ST6GALNAC3: variants seen among roughly 807,000 people sequenced by gnomAD.
ST6GALNAC3 encodes ST6 N-acetylgalactosaminide alpha-2,6-sialyltransferase 3.
Under a neutral mutation model 32.7 loss-of-function variants are expected in ST6GALNAC3, and 25 were observed. The ratio of observed to expected loss-of-function variants is 0.76; its 90% confidence interval spans 0.56 to 1.07. The LOEUF is 1.07. Ranked by LOEUF, ST6GALNAC3 falls within the 50% of genes least tolerant of loss-of-function variation. ST6GALNAC3 has a pLI of 0.00. For synonymous variants in ST6GALNAC3, 129 were observed against 133.1 expected (o/e 0.97, Z 0.21); for missense variants, 355 against 382.4 (o/e 0.93, Z 0.60).
At chr1:76,521,439 A>G (rs1302769179) in intron 3 of ST6GALNAC3, among the ~76,000 whole-genome samples, 1 of 152,060 alleles carries the variant, frequency 6.6e-6, no homozygotes, top group Non-Finnish European at 1.5e-5. Flanking sequence ...AGCTTATCTC[A>G]AAACTTCTGG....
At chr1:76,176,645 A>T (rs1465159475) in intron 1 of ST6GALNAC3, among the ~76,000 whole-genome samples, 1 of 152,194 alleles carries the variant, frequency 6.6e-6, no homozygotes, top group Non-Finnish European at 1.5e-5. Flanking sequence ...TTTCCTAAAC[A>T]TAATGTACAA....
At position 76,634,039 on chromosome 1, in the gene ST6GALNAC3, T is replaced by C. The variant is rs942501731; in HGVS notation, c.*5233T>C. The C allele has an allele frequency of 5.7e-5, 27 of 476,382 alleles. No individual in the cohort carries two copies. The highest frequency in any genetic ancestry group is 5.1e-4 in the African/African-American group (24 of 47,124). 29.5% of individuals were successfully genotyped at this position (476,382 alleles called of 1,614,324 possible). ...AGTGCAGAAAATCTCATTTAGTTTT[T>C]TTCTTTTTTTTTTTCAGTTAACTAC... On this transcript the variant is annotated 3_prime_UTR_variant, in exon 5 of 5. Transcript: ENST00000328299.
intron 1 of ST6GALNAC3, among the ~76,000 whole-genome samples, chr1:76,215,476 T>C (rs962694450): frequency 6.6e-6 from 1 of 152,160 alleles, no homozygotes; most frequent in Non-Finnish European, 1.5e-5. Context: ...AGCTTTGGCA[T>C]TGGGATATTT....
rs765633234 is a variant in ST6GALNAC3 at position 76,629,644 on chromosome 1, T to A, written c.*838T>A. 2 of 985,082 alleles carry A rather than the reference T, an allele frequency of 2.0e-6. No individual in the cohort carries two copies. Among genetic ancestry groups the A allele is most frequent in the African/African-American group, 3.5e-5 (2 of 57,188 alleles). The allele number at this position is 985,082 out of a possible 1,614,324, so 61.0% of individuals were successfully genotyped here. On this transcript the variant is annotated 3_prime_UTR_variant, in exon 5 of 5. Coordinates refer to ENST00000328299, the MANE Select transcript of ST6GALNAC3 (RefSeq NM_152996.4). ...ACTTCAACACTGTAATAACATATAC[T>A]GTGAAAACATTCCTAAAAAGTAACC...
chr1:76,550,146 C>T (rs1468255575), intron 3 of ST6GALNAC3, among the ~76,000 whole-genome samples: 2 of 151,998 alleles, frequency 1.3e-5, no homozygotes, highest in African/African-American at 4.8e-5. Context: ...TATGATGTTG[C>T]TTTATTAATA....
chr1:76,259,409 C>T (rs1279691639), intron 1 of ST6GALNAC3, among the ~76,000 whole-genome samples: 1 of 152,132 alleles, frequency 6.6e-6, no homozygotes, highest in Non-Finnish European at 1.5e-5. Context: ...CTTTCTGTGT[C>T]CTCGTTTCAT....
intron 1 of ST6GALNAC3, among the ~76,000 whole-genome samples, chr1:76,179,783 T>C (rs1373850716): frequency 6.6e-6 from 1 of 152,214 alleles, no homozygotes; most frequent in Non-Finnish European, 1.5e-5. Flanking sequence ...TTTCCTCCTT[T>C]ACTCACTTGG....
At chr1:76,364,989 A>G (rs908535728) in intron 2 of ST6GALNAC3, among the ~76,000 whole-genome samples, 6 of 152,316 alleles carry the variant, frequency 3.9e-5, no homozygotes, top group Admixed American at 3.9e-4. Flanking sequence ...TACAGCCAAA[A>G]GAAAAGAAAT....
At chr1:76,289,811 G>T (rs1659976629) in intron 1 of ST6GALNAC3, among the ~76,000 whole-genome samples, 1 of 152,170 alleles carries the variant, frequency 6.6e-6, no homozygotes, top group Non-Finnish European at 1.5e-5. Flanking sequence ...TCACTGCTTG[G>T]TTATGTGCAC....
intron 3 of ST6GALNAC3, among the ~76,000 whole-genome samples, chr1:76,419,944 CT>C (rs66531652): frequency 0.2 from 28,152 of 138,660 alleles, 2,481 homozygotes; most frequent in East Asian, 0.29. Context: ...TTCTTTCTTT[CT>C]TTTTTTTTTT....
At chr1:76,634,685 A>ATTTTTTTTTTT (rs755148916), downstream of ST6GALNAC3, 1 of 47,340 alleles carries the variant, frequency 2.1e-5, no homozygotes, top group Non-Finnish European at 3.9e-5. Context: ...GCGGTATGGG[A>ATTTTTTTTTTT]TTTTTTTTTT....
At chr1:76,280,217 T>C (rs1377831172) in intron 1 of ST6GALNAC3, among the ~76,000 whole-genome samples, 2 of 152,208 alleles carry the variant, frequency 1.3e-5, no homozygotes, top group African/African-American at 2.4e-5. Flanking sequence ...AGTGGAAAGA[T>C]GGAGACAGTT....
intron 3 of ST6GALNAC3, among the ~76,000 whole-genome samples, chr1:76,434,718 T>C (rs1167945437): frequency 6.6e-6 from 1 of 152,020 alleles, no homozygotes; most frequent in Non-Finnish European, 1.5e-5. Context: ...TAGCTGATAT[T>C]TGTATGCATC....
At chr1:76,182,509 C>T (rs924193419) in intron 1 of ST6GALNAC3, among the ~76,000 whole-genome samples, 1 of 152,138 alleles carries the variant, frequency 6.6e-6, no homozygotes, top group Non-Finnish European at 1.5e-5. Context: ...TATCTGCTTT[C>T]AGTTTACACT....
intron 3 of ST6GALNAC3, among the ~76,000 whole-genome samples, chr1:76,474,055 TCAA>T (rs1256997475): frequency 6.6e-6 from 1 of 152,064 alleles, no homozygotes; most frequent in Non-Finnish European, 1.5e-5. Flanking sequence ...TGAGACAGCA[TCAA>T]CGAGTTCAAT....
chr1:76,192,679 G>C (rs1453655883), intron 1 of ST6GALNAC3, among the ~76,000 whole-genome samples: 6 of 152,108 alleles, frequency 3.9e-5, no homozygotes, highest in Non-Finnish European at 5.9e-5. Context: ...AATATTCACA[G>C]GTATGTTCTT....
At chr1:76,255,920 C>A (rs1657894377) in intron 1 of ST6GALNAC3, among the ~76,000 whole-genome samples, 2 of 151,818 alleles carry the variant, frequency 1.3e-5, no homozygotes, top group Non-Finnish European at 2.9e-5. Flanking sequence ...ACATTTATTA[C>A]TATGAGAGCT....
intron 2 of ST6GALNAC3, among the ~76,000 whole-genome samples, chr1:76,335,076 C>T (rs1647353355): frequency 6.6e-6 from 1 of 152,032 alleles, no homozygotes; most frequent in Non-Finnish European, 1.5e-5. Flanking sequence ...ATCATTTACC[C>T]AATTTTTGAT....
intron 1 of ST6GALNAC3, among the ~76,000 whole-genome samples, chr1:76,302,752 C>G (rs552662142): frequency 5.3e-4 from 80 of 151,972 alleles, no homozygotes; most frequent in Admixed American, 1.4e-3. Flanking sequence ...CCCAGGGTTG[C>G]ACATATTGAC....
Sources: gnomAD v4.1 joint callset for allele counts (sites outside exome capture counted in the v4.1 genomes callset) on GRCh38, gnomAD v4.1.1 for gene constraint, MANE v1.5 for transcripts, NCBI Gene and HGNC (gene_info 2026-07-23, HGNC 2026-07-21) for gene names.